DAPK1: variants seen among roughly 807,000 people sequenced by gnomAD.
DAPK1 encodes the protein death associated protein kinase 1.
Under a neutral mutation model 144.9 loss-of-function variants are expected in DAPK1, and 56 were observed. The observed-to-expected ratio is 0.39, with a 90% CI of 0.31 to 0.48. The LOEUF (loss-of-function observed/expected upper bound fraction) is 0.48. Among genes scored for constraint, DAPK1 ranks in the 20% least tolerant of loss-of-function variants. The pLI is 0.95. For missense variants in DAPK1, 1,454 were observed against 1,875.4 expected (o/e 0.78, Z 4.15); for synonymous variants, 690 against 749.0 (o/e 0.92, Z 1.29).
At chr9:87,536,362 C>T (rs971155635) in intron 2 of DAPK1, among the ~76,000 whole-genome samples, 9 of 152,224 alleles carry the variant, frequency 5.9e-5, no homozygotes, top group African/African-American at 1.9e-4. Context: ...ACACCATGTG[C>T]GTGAGCATGT....
chr9:87,623,115 G>A (rs1319385034), intron 3 of DAPK1, among the ~76,000 whole-genome samples: 1 of 152,122 alleles, frequency 6.6e-6, no homozygotes, highest in Non-Finnish European at 1.5e-5. Context: ...TTATTATGCT[G>A]TGCTGGTAAT....
At chr9:87,616,774 C>T (rs1829114380) in intron 3 of DAPK1, among the ~76,000 whole-genome samples, 1 of 152,204 alleles carries the variant, frequency 6.6e-6, no homozygotes, top group African/African-American at 2.4e-5. Context: ...CACTGCATAA[C>T]ACAAGCTGAG....
chr9:87,525,052 A>C (rs2118285772), intron 2 of DAPK1, among the ~76,000 whole-genome samples: 1 of 152,334 alleles, frequency 6.6e-6, no homozygotes. Context: ...TAAAAAGATT[A>C]AAAACAGAAA....
At chr9:87,619,470 G>A (rs924635457) in intron 3 of DAPK1, among the ~76,000 whole-genome samples, 5 of 152,302 alleles carry the variant, frequency 3.3e-5, no homozygotes, top group East Asian at 1.9e-4. Context: ...CTGAGGAACC[G>A]CAATGAGGAG....
intron 8 of DAPK1, 56 bp from the exon 9 acceptor site, chr9:87,640,746 C>CT (rs1276441462): frequency 6.3e-7 from 1 of 1,576,086 alleles, no homozygotes; most frequent in Non-Finnish European, 8.7e-7. Context: ...TGAAAACAAC[C>CT]TTAGTATTTG....
At chr9:87,665,470 T>G (rs2119257177) in intron 18 of DAPK1, among the ~76,000 whole-genome samples, 1 of 152,356 alleles carries the variant, frequency 6.6e-6, no homozygotes, top group South Asian at 2.1e-4. Context: ...CTAAAGATGT[T>G]TAAATGACTG....
intron 3 of DAPK1, among the ~76,000 whole-genome samples, chr9:87,630,484 CT>C (rs1427831364): frequency 2.6e-5 from 4 of 152,272 alleles, no homozygotes; most frequent in African/African-American, 9.6e-5. Context: ...TTGCTGCCCC[CT>C]GGTCCTTCTT....
intron 2 of DAPK1, among the ~76,000 whole-genome samples, chr9:87,549,183 A>G (rs1826379766): frequency 6.6e-6 from 1 of 152,130 alleles, no homozygotes. Context: ...AAGTGAGAAC[A>G]TGCAGTGTTT....
chr9:87,625,056 C>A (rs1263656859), intron 3 of DAPK1, among the ~76,000 whole-genome samples: 1 of 152,188 alleles, frequency 6.6e-6, no homozygotes. Flanking sequence ...AATGTTTTTA[C>A]ATTTTCAAAT....
At chr9:87,594,005 T>G (rs1352472979) in intron 2 of DAPK1, among the ~76,000 whole-genome samples, 1 of 152,182 alleles carries the variant, frequency 6.6e-6, no homozygotes, top group Non-Finnish European at 1.5e-5. Context: ...TCCAGTGTGG[T>G]CAGCATTCAT....
intron 2 of DAPK1, among the ~76,000 whole-genome samples, chr9:87,534,105 GA>G (rs1356088638): frequency 1.6e-5 from 1 of 63,902 alleles, no homozygotes; most frequent in Non-Finnish European, 4.0e-5. Flanking sequence ...AATTTCTTGC[GA>G]TTTTTTTTTT....
At chr9:87,680,816 G>C (rs1391684262) in intron 19 of DAPK1, among the ~76,000 whole-genome samples, 1 of 152,120 alleles carries the variant, frequency 6.6e-6, no homozygotes, top group Non-Finnish European at 1.5e-5. Context: ...ACTGCTCACG[G>C]GTACAGAGCT....
At chr9:87,704,499 C>T (rs3118860) in intron 25 of DAPK1, among the ~76,000 whole-genome samples, 58,460 of 151,964 alleles carry the variant, frequency 0.38, 12,376 homozygotes, top group Middle Eastern at 0.58. Context: ...ACCTGCCTTC[C>T]GTATCTAATT....
chr9:87,691,128 G>T (rs1474888928), intron 21 of DAPK1, among the ~76,000 whole-genome samples: 1 of 151,840 alleles, frequency 6.6e-6, no homozygotes, highest in East Asian at 1.9e-4. Flanking sequence ...TCCAAACCTG[G>T]ACTTCTCTTT....
chr9:87,564,593 G>GGA (rs756729420), intron 2 of DAPK1, among the ~76,000 whole-genome samples: 36 of 148,004 alleles, frequency 2.4e-4, no homozygotes, highest in African/African-American at 6.7e-4. Context: ...GGAGGGAGGG[G>GGA]GAGAGAGAGA....
At chr9:87,602,740 T>C (rs370156088) in intron 2 of DAPK1, among the ~76,000 whole-genome samples, 151 of 152,184 alleles carry the variant, frequency 9.9e-4, no homozygotes, top group African/African-American at 3.5e-3. Flanking sequence ...TTCAAGCAAT[T>C]CTCCTGCCTC....
chr9:87,640,167 A>G (rs1239678289), intron 7 of DAPK1, 131 bp from the exon 8 acceptor site: 4 of 938,712 alleles, frequency 4.3e-6, no homozygotes, highest in Non-Finnish European at 6.4e-6. Flanking sequence ...AAGCCCTATG[A>G]AATATAATCA....
chr9:87,648,889 G>T lies in DAPK1; in HGVS notation c.1428+10G>T, dbSNP rs1485338670. 3.1e-6 allele frequency: 5 copies of T among 1,609,694 alleles called. No homozygotes were observed. In the African/African-American group the frequency reaches 5.3e-5, roughly 17 times the overall value. ...CAATATCCAGGACAAGGTGGGTCGT[G>T]ACTGACATCCTCCCTTCCTCTGCTC... On this transcript the variant is annotated intron_variant, in intron 15 of 25. Transcript: ENST00000408954.
intron 2 of DAPK1, among the ~76,000 whole-genome samples, chr9:87,511,614 C>T (rs984968604): frequency 6.0e-5 from 9 of 150,788 alleles, no homozygotes; most frequent in South Asian, 2.1e-4. Context: ...CACATAAATT[C>T]GTGTTTTTAA....
Sources: gnomAD v4.1 joint callset for allele counts (sites outside exome capture counted in the v4.1 genomes callset) on GRCh38, gnomAD v4.1.1 for gene constraint, MANE v1.5 for transcripts, NCBI Gene and HGNC (gene_info 2026-07-23, HGNC 2026-07-21) for gene names.